Variants in UNC5C observed in about 807,000 individuals in gnomAD.
UNC5C encodes unc-5 netrin receptor C, also known as netrin receptor UNC5C.
UNC5C carries 47 observed loss-of-function variants against 99.8 expected under a neutral mutation model. The ratio of observed to expected loss-of-function variants is 0.47; its 90% CI spans 0.37 to 0.60. UNC5C has a LOEUF of 0.60. UNC5C is among the 20% of genes least tolerant of loss of function. The probability of loss-of-function intolerance (pLI) is 0.00; values close to 1 mark genes in which losing one functional copy is unlikely to be tolerated. For synonymous variants in UNC5C, 487 were observed against 452.2 expected (o/e 1.08, Z -0.98); for missense variants, 1,062 against 1,165.9 (o/e 0.91, Z 1.30).
chr4:95,253,024 T>G (rs1348055530), intron 4 of UNC5C, among the ~76,000 whole-genome samples: 5 of 152,214 alleles, frequency 3.3e-5, no homozygotes, highest in African/African-American at 1.2e-4. Flanking sequence ...TCTCATTATG[T>G]ATATGCCAGT....
intron 1 of UNC5C, among the ~76,000 whole-genome samples, chr4:95,448,242 G>C (rs1273432501): frequency 6.6e-6 from 1 of 150,704 alleles, no homozygotes; most frequent in Non-Finnish European, 1.5e-5. Context: ...GAGAGAGAGA[G>C]AGAGAGAGAG....
intron 1 of UNC5C, among the ~76,000 whole-genome samples, chr4:95,539,869 C>T (rs1722871874): frequency 6.6e-6 from 1 of 151,948 alleles, no homozygotes; most frequent in African/African-American, 2.4e-5. Flanking sequence ...GATCTCCTCT[C>T]CCTTGCTACC....
intron 1 of UNC5C, among the ~76,000 whole-genome samples, chr4:95,498,884 G>C (rs1250645915): frequency 6.6e-6 from 1 of 151,962 alleles, no homozygotes; most frequent in Non-Finnish European, 1.5e-5. Flanking sequence ...GCTATCTTTT[G>C]CTGCAACAAA....
Position 95,460,285 on chromosome 4 carries a change from T to C in UNC5C, c.124+88449A>G, listed in dbSNP as rs151112958. On this transcript the variant is annotated intron_variant, in intron 1 of 15. Transcript: ENST00000453304. ...ATGTATATGTATGAATTCATAATAC[T>C]AAATTTTAAATAGCCATTCTAATAA... Among the ~76,000 whole-genome samples, 101 of 145,990 alleles carry C rather than the reference T, an allele frequency of 6.9e-4. 2 individuals carry two copies. In the East Asian group the frequency reaches 0.021, roughly 31 times the overall value.
At chr4:95,388,077 C>T (rs1473131034) in intron 1 of UNC5C, among the ~76,000 whole-genome samples, 1 of 151,980 alleles carries the variant, frequency 6.6e-6, no homozygotes, top group Non-Finnish European at 1.5e-5. Flanking sequence ...TTAAACATGC[C>T]ACATTAATAA....
chr4:95,220,020 C>G lies in UNC5C; in HGVS notation c.1265G>C (p.Gly422Ala). 6.2e-7 allele frequency: 1 copy of G among 1,613,972 alleles called. No individual in the cohort carries two copies. The highest frequency in any genetic ancestry group is 1.1e-5 in the South Asian group (1 of 91,060). Residue 422 changes from glycine to alanine, a missense_variant, in exon 8 of 16, where the codon GGC becomes GCC. By Grantham distance (60) the Gly-to-Ala change is moderately conservative. Coordinates refer to ENST00000453304, the MANE Select transcript of UNC5C (RefSeq NM_003728.4). ...TGCCTTGATGTTCACAGGCTGAAAG[C>G]CCCCATTGAGTGCCGAAGAGTCAAT... is the stretch of plus-strand genomic sequence containing the variant. Reference protein sequence around the residue: ...DIIDSSALNGGFQPVNIKAAR... With the variant: ...DIIDSSALNGAFQPVNIKAAR...
At chr4:95,484,171 T>C (rs571652574) in intron 1 of UNC5C, among the ~76,000 whole-genome samples, 2 of 151,976 alleles carry the variant, frequency 1.3e-5, no homozygotes, top group South Asian at 4.1e-4. Context: ...AGTCAGGGAA[T>C]GAGCCACATG....
intron 1 of UNC5C, among the ~76,000 whole-genome samples, chr4:95,387,405 G>A (rs1420768360): frequency 6.6e-6 from 1 of 152,182 alleles, no homozygotes; most frequent in Non-Finnish European, 1.5e-5. Flanking sequence ...CTCCCAAAGT[G>A]CTGGGATTAC....
At chr4:95,467,049 GAGGCCTCCTGCCAAC>G (rs1747804263) in intron 1 of UNC5C, among the ~76,000 whole-genome samples, 2 of 152,102 alleles carry the variant, frequency 1.3e-5, no homozygotes, top group Admixed American at 6.5e-5. Flanking sequence ...ATGAGAAACT[GAGGCCTCCTGCCAAC>G]AGCCACAGGA....
chr4:95,328,590 A>G (rs1330825088), intron 2 of UNC5C, among the ~76,000 whole-genome samples: 1 of 143,294 alleles, frequency 7.0e-6, no homozygotes, highest in African/African-American at 2.5e-5. Context: ...CAGTAATGGG[A>G]TGGCTGGGTC....
chr4:95,206,891 C>T, intron 10 of UNC5C, 95 bp from the exon 11 acceptor site: 15 of 898,034 alleles, frequency 1.7e-5, no homozygotes, highest in Admixed American at 4.0e-5. Flanking sequence ...AAGTAGTTTT[C>T]TCCTGGAATT....
intron 1 of UNC5C, among the ~76,000 whole-genome samples, chr4:95,512,641 C>T (rs1722109781): frequency 6.6e-6 from 1 of 152,034 alleles, no homozygotes; most frequent in African/African-American, 2.4e-5. Context: ...AACAAAATCT[C>T]CTAAAATTTA....
intron 13 of UNC5C, among the ~76,000 whole-genome samples, chr4:95,184,253 C>T (rs1736737161): frequency 6.6e-6 from 1 of 152,096 alleles, no homozygotes; most frequent in Non-Finnish European, 1.5e-5. Context: ...AGGAACTAGA[C>T]CAATGAGAGT....
At chr4:95,450,942 A>T (rs1578170981) in intron 1 of UNC5C, among the ~76,000 whole-genome samples, 1 of 152,338 alleles carries the variant, frequency 6.6e-6, no homozygotes, top group East Asian at 1.9e-4. Context: ...TGTAGCATAA[A>T]GAACATATGT....
At chr4:95,496,592 A>T (rs1261427345) in intron 1 of UNC5C, among the ~76,000 whole-genome samples, 1 of 151,896 alleles carries the variant, frequency 6.6e-6, no homozygotes, top group Non-Finnish European at 1.5e-5. Flanking sequence ...ATCCAAGAGA[A>T]CCCTAATTTG....
chr4:95,376,116 G>T (rs906244471), intron 1 of UNC5C, among the ~76,000 whole-genome samples: 3 of 151,828 alleles, frequency 2.0e-5, no homozygotes, highest in African/African-American at 7.3e-5. Context: ...ATCAATGTTT[G>T]ATTCATTAAC....
In UNC5C at chr4:95,163,465, C is replaced by T. The variant is rs1735750567; in HGVS notation, c.*5769G>A. 2 of 152,174 alleles carry T rather than the reference C, an allele frequency of 1.3e-5. No individual in the cohort carries two copies. The highest frequency in any genetic ancestry group is 1.5e-5 in the Non-Finnish European group (1 of 68,060). 9.4% of individuals were successfully genotyped at this position (152,174 alleles called of 1,614,324 possible). A position where few individuals can be genotyped will look rare whatever the true frequency, so the allele number is the denominator to read the frequency against. Reference sequence around the variant, plus strand: ...ATCCTTAGGCTGCTGATCAGCAAAACCTGCCTACAATTCATCTTCTACACA... The same window carrying T: ...ATCCTTAGGCTGCTGATCAGCAAAATCTGCCTACAATTCATCTTCTACACA... On this transcript the variant is annotated 3_prime_UTR_variant, in exon 16 of 16. Coordinates refer to ENST00000453304, the MANE Select transcript of UNC5C (RefSeq NM_003728.4).
chr4:95,322,520 G>A (rs945217567), intron 2 of UNC5C, among the ~76,000 whole-genome samples: 2 of 152,042 alleles, frequency 1.3e-5, no homozygotes, highest in Non-Finnish European at 2.9e-5. Flanking sequence ...CAATCTAGTT[G>A]AAGAGACAGA....
chr4:95,184,415 C>T (rs1470722631), intron 13 of UNC5C, among the ~76,000 whole-genome samples: 1 of 152,092 alleles, frequency 6.6e-6, no homozygotes, highest in Non-Finnish European at 1.5e-5. Context: ...ATATGTCTGC[C>T]CCTCCTAGGA....
Sources: allele counts gnomAD v4.1 joint callset (sites outside exome capture counted in the v4.1 genomes callset), GRCh38; gene constraint gnomAD v4.1.1; transcripts MANE v1.5; gene names NCBI Gene and HGNC (gene_info 2026-07-23, HGNC 2026-07-21).